Variants in TBC1D1 observed in about 807,000 individuals in gnomAD.
TBC1D1 encodes the protein TBC1 domain family member 1, also known as TBC1 (tre-2/USP6, BUB2, cdc16) domain family, member 1.
A neutral mutation model predicts 125.6 loss-of-function variants in TBC1D1; 89 were observed. The ratio of observed to expected loss-of-function variants is 0.71; its 90% CI spans 0.60 to 0.85. The LOEUF (loss-of-function observed/expected upper bound fraction) is 0.85, where lower values mean the gene tolerates loss of function less well. TBC1D1 is among the 40% of genes least tolerant of loss of function. The pLI is 0.00. For synonymous variants in TBC1D1, 565 were observed against 564.1 expected, an observed-to-expected ratio of 1.00 and a Z score of -0.02; for missense variants, 1,377 against 1,469.2, an observed-to-expected ratio of 0.94 and a Z score of 1.03.
chr4:38,104,816 T>G (rs1761001438), intron 15 of TBC1D1, among the ~76,000 whole-genome samples: 1 of 151,746 alleles, frequency 6.6e-6, no homozygotes, highest in Non-Finnish European at 1.5e-5. Flanking sequence ...AGTGCAGTGG[T>G]GTGATCTCAG....
intron 2 of TBC1D1, among the ~76,000 whole-genome samples, chr4:37,907,198 C>T (rs1430036414): frequency 6.6e-6 from 1 of 152,158 alleles, no homozygotes; most frequent in East Asian, 1.9e-4. Flanking sequence ...TTTGGCCTCA[C>T]ACTGCTACAT....
chr4:37,938,602 T>C (rs1210196847), intron 2 of TBC1D1, among the ~76,000 whole-genome samples: 1 of 152,208 alleles, frequency 6.6e-6, no homozygotes. Context: ...TACATATGTA[T>C]ACATGTGCCA....
Position 38,103,090 on chromosome 4 carries a change from G to A in TBC1D1, c.2490G>A (p.Lys830=). ...AGTTTCCCAGCAAACAGCAGCCAAA[G>A]GATGTGCCATACAAAGAACTCTTAA... Residue 830 remains lysine (K), a synonymous_variant, in exon 15 of 20, where the codon AAG becomes AAA. Coordinates refer to ENST00000261439, the MANE Select transcript of TBC1D1 (RefSeq NM_015173.4). 1 of 1,614,164 alleles carries A rather than the reference G, an allele frequency of 6.2e-7. No homozygotes were observed. The highest frequency in any genetic ancestry group is 8.5e-7 in the Non-Finnish European group (1 of 1,180,030).
chr4:38,068,745 C>G (rs2152507337), intron 12 of TBC1D1, among the ~76,000 whole-genome samples: 2 of 152,184 alleles, frequency 1.3e-5, no homozygotes, highest in East Asian at 3.8e-4. Flanking sequence ...GTATTGTAAG[C>G]AGAGCTCAAG....
chr4:37,949,982 C>CT (rs1417795300), intron 2 of TBC1D1, among the ~76,000 whole-genome samples: 1 of 152,004 alleles, frequency 6.6e-6, no homozygotes, highest in Non-Finnish European at 1.5e-5. Flanking sequence ...TTACCATACC[C>CT]TTTTTTACTG....
chr4:38,021,494 A>C, intron 5 of TBC1D1, 92 bp from the exon 6 acceptor site: 3 of 1,240,494 alleles, frequency 2.4e-6, no homozygotes, highest in Non-Finnish European at 3.2e-6. Context: ...CTTAAAGCTT[A>C]AAAAATCTTT....
At chr4:37,961,836 T>C (rs1730124902) in intron 2 of TBC1D1, among the ~76,000 whole-genome samples, 1 of 152,194 alleles carries the variant, frequency 6.6e-6, no homozygotes, top group Non-Finnish European at 1.5e-5. Flanking sequence ...CCCTCTTCAA[T>C]CAAAGGATGC....
chr4:37,903,251 G>A (rs570737105), intron 2 of TBC1D1, among the ~76,000 whole-genome samples: 45 of 152,220 alleles, frequency 3.0e-4, no homozygotes, highest in Admixed American at 1.9e-3. Flanking sequence ...CTCTTTCCTC[G>A]TTCATTTGTG....
At chr4:37,944,442 A>G (rs13104420) in intron 2 of TBC1D1, among the ~76,000 whole-genome samples, 7,615 of 152,274 alleles carry the variant, frequency 0.05, 275 homozygotes, top group Middle Eastern at 0.085. Flanking sequence ...GGTGGAGTCT[A>G]CAGAGGCAGG....
intron 2 of TBC1D1, among the ~76,000 whole-genome samples, chr4:37,945,846 G>A (rs1486203176): frequency 6.6e-6 from 1 of 152,072 alleles, no homozygotes; most frequent in Non-Finnish European, 1.5e-5. Context: ...AACAAATATG[G>A]GTTAATTTTA....
intron 1 of TBC1D1, among the ~76,000 whole-genome samples, chr4:37,899,769 T>C (rs1332553029): frequency 1.3e-5 from 2 of 152,032 alleles, no homozygotes; most frequent in East Asian, 1.9e-4. Context: ...AGAAAAGCCT[T>C]TGAAGTATGT....
intron 15 of TBC1D1, among the ~76,000 whole-genome samples, chr4:38,111,229 G>A (rs1377066412): frequency 6.6e-6 from 1 of 152,296 alleles, no homozygotes; most frequent in African/African-American, 2.4e-5. Flanking sequence ...CTCTACCCAC[G>A]TGACCTGCCT....
chr4:38,081,365 C>A (rs1238918112), intron 12 of TBC1D1, among the ~76,000 whole-genome samples: 3 of 152,036 alleles, frequency 2.0e-5, no homozygotes, highest in African/African-American at 7.2e-5. Flanking sequence ...GTCAGCCAGA[C>A]AAAGAAAGGC....
chr4:37,945,551 A>AAAAAAAAAC (rs1726529845), intron 2 of TBC1D1, among the ~76,000 whole-genome samples: 3 of 120,044 alleles, frequency 2.5e-5, no homozygotes, highest in African/African-American at 9.9e-5. Context: ...AAAAAAAAAA[A>AAAAAAAAAC]GCCTAGAAGC....
intron 6 of TBC1D1, among the ~76,000 whole-genome samples, chr4:38,027,299 T>C (rs1175947437): frequency 6.6e-6 from 1 of 152,200 alleles, no homozygotes; most frequent in Non-Finnish European, 1.5e-5. Flanking sequence ...CAGAAGATGA[T>C]GACAAAGATA....
intron 19 of TBC1D1, among the ~76,000 whole-genome samples, chr4:38,136,274 G>A (rs750714664): frequency 4.3e-4 from 65 of 152,184 alleles, no homozygotes; most frequent in Non-Finnish European, 9.0e-4. Context: ...TGTGCTAGGT[G>A]CTGAGGATGT....
rs1043386081 is a variant in TBC1D1, at chr4:38,077,086, G to C, written c.2051-12846G>C. On this transcript the variant is annotated intron_variant, in intron 12 of 19. Transcript: ENST00000261439. Reference sequence around the variant, plus strand: ...GATGGTTCTTTCTGTAATAGCCTTTGTCATCACATCATCAGAGGATGATAG... The same window carrying C: ...GATGGTTCTTTCTGTAATAGCCTTTCTCATCACATCATCAGAGGATGATAG... Among the ~76,000 whole-genome samples the C allele has an allele frequency of 3.9e-5, 6 of 152,110 alleles. No homozygotes were observed. The South Asian group carries it at 1.2e-3, about 31-fold the overall frequency.
intron 12 of TBC1D1, among the ~76,000 whole-genome samples, chr4:38,079,564 A>C (rs1395097218): frequency 6.6e-6 from 1 of 151,116 alleles, no homozygotes; most frequent in East Asian, 2.0e-4. Context: ...ATCTCTACTT[A>C]AAATACAAAA....
intron 18 of TBC1D1, among the ~76,000 whole-genome samples, chr4:38,129,289 C>T (rs1227128635): frequency 2.0e-5 from 3 of 152,214 alleles, no homozygotes; most frequent in African/African-American, 7.2e-5. Flanking sequence ...GGTGCCTCTT[C>T]TGCCTGTGGG....
Sources: allele counts gnomAD v4.1 joint callset (sites outside exome capture counted in the v4.1 genomes callset), GRCh38; gene constraint gnomAD v4.1.1; transcripts MANE v1.5; gene names NCBI Gene and HGNC (gene_info 2026-07-23, HGNC 2026-07-21).